Variants in TMED3 observed in about 807,000 individuals in gnomAD.
The protein encoded by TMED3 is transmembrane emp24 domain-containing protein 3.
Under a neutral mutation model 15.0 loss-of-function variants are expected in TMED3, and 9 were observed. The observed-to-expected ratio is 0.60, with a 90% CI of 0.36 to 1.04. TMED3 has a LOEUF of 1.04. Among genes scored for constraint, TMED3 ranks in the 50% least tolerant of loss-of-function variants. The probability of loss-of-function intolerance (pLI) is 0.01; values close to 1 mark genes in which losing one functional copy is unlikely to be tolerated. For missense variants in TMED3, 267 were observed against 278.9 expected, an observed-to-expected ratio of 0.96 and a Z score of 0.30; for synonymous variants, 117 against 121.4, an observed-to-expected ratio of 0.96 and a Z score of 0.24.
At chr15:79,392,598 A>G (rs1325459044) in intron 2 of TMED3, among the ~76,000 whole-genome samples, 3 of 152,190 alleles carry the variant, frequency 2.0e-5, no homozygotes, top group African/African-American at 7.2e-5. Context: ...TTTTGAATAC[A>G]GTAGGCTAGT....
intron 2 of TMED3, among the ~76,000 whole-genome samples, chr15:79,365,296 C>G (rs889406462): frequency 3.3e-5 from 5 of 152,216 alleles, no homozygotes; most frequent in Non-Finnish European, 7.3e-5. Flanking sequence ...GAAGCTTTGT[C>G]TAAAGACTTG....
chr15:79,360,816 A>G (rs1893113504), intron 2 of TMED3, among the ~76,000 whole-genome samples: 1 of 152,210 alleles, frequency 6.6e-6, no homozygotes, highest in Non-Finnish European at 1.5e-5. Flanking sequence ...AATCACTTAA[A>G]ACGAATACAT....
intron 2 of TMED3, among the ~76,000 whole-genome samples, chr15:79,377,324 G>A (rs1285596075): frequency 1.3e-5 from 2 of 151,534 alleles, no homozygotes; most frequent in Admixed American, 6.6e-5. Context: ...GAGAATGTGG[G>A]GAGGGATTTT....
chr15:79,376,092 G>GTTTTTTTTTTTTTTTTTT, intron 2 of TMED3, among the ~76,000 whole-genome samples: 1 of 112,082 alleles, frequency 8.9e-6, no homozygotes, highest in African/African-American at 3.6e-5. Context: ...CTAGAGAAAG[G>GTTTTTTTTTTTTTTTTTT]TTTTTTTTTT....
intron 2 of TMED3, among the ~76,000 whole-genome samples, chr15:79,378,493 G>C (rs1385292363): frequency 1.3e-5 from 2 of 152,312 alleles, no homozygotes; most frequent in Admixed American, 6.5e-5. Context: ...GAAGGAAGAG[G>C]ATTGTATAGG....
intron 2 of TMED3, among the ~76,000 whole-genome samples, chr15:79,318,565 C>G (rs548752015): frequency 6.6e-6 from 1 of 152,260 alleles, no homozygotes; most frequent in Non-Finnish European, 1.5e-5. Context: ...TTTGTGTTAC[C>G]AAGTCTGCCT....
intron 2 of TMED3, among the ~76,000 whole-genome samples, chr15:79,328,324 G>C (rs1167033512): frequency 6.7e-6 from 1 of 149,386 alleles, no homozygotes; most frequent in East Asian, 1.9e-4. Context: ...TATTTGAGTT[G>C]CATTTTTAAT....
At chr15:79,345,448 C>T (rs938897690) in intron 2 of TMED3, among the ~76,000 whole-genome samples, 7 of 152,186 alleles carry the variant, frequency 4.6e-5, no homozygotes, top group Non-Finnish European at 1.5e-5. Flanking sequence ...TGACCTCCAG[C>T]TCCATCCGTG....
chr15:79,352,861 AATATACATATATAAAATATACATATAAT>A (rs1394204170), intron 2 of TMED3, among the ~76,000 whole-genome samples: 1 of 113,548 alleles, frequency 8.8e-6, no homozygotes, highest in East Asian at 2.6e-4. Flanking sequence ...ATACATATAA[AATATACATATATAAAATATACATATAAT>A]ATATATAAAA....
intron 2 of TMED3, among the ~76,000 whole-genome samples, chr15:79,386,704 A>ATTTTTTTTTT (rs35828266): frequency 1.6e-5 from 2 of 125,182 alleles, no homozygotes; most frequent in African/African-American, 3.0e-5. Context: ...ATGCCTGGCT[A>ATTTTTTTTTT]TTTTTTTTTT....
chr15:79,413,158 A>G (rs1457572823), exon 3 of TMED3: 1 of 152,228 alleles, frequency 6.6e-6, no homozygotes, highest in African/African-American at 2.4e-5. Flanking sequence ...ACAAAAAACT[A>G]GAGTACCTTC....
chr15:79,342,511 C>A (rs956429860), intron 2 of TMED3, among the ~76,000 whole-genome samples: 1 of 152,140 alleles, frequency 6.6e-6, no homozygotes, highest in Non-Finnish European at 1.5e-5. Context: ...AGAGGAAAAT[C>A]TTTGAAAATA....
intron 2 of TMED3, among the ~76,000 whole-genome samples, chr15:79,354,630 A>G (rs1388991457): frequency 6.6e-6 from 1 of 152,154 alleles, no homozygotes; most frequent in Non-Finnish European, 1.5e-5. Context: ...AGGCAAAAAA[A>G]AAAAAAAAGA....
chr15:79,374,549 T>A (rs1010670562), intron 2 of TMED3, among the ~76,000 whole-genome samples: 1 of 152,192 alleles, frequency 6.6e-6, no homozygotes, highest in African/African-American at 2.4e-5. Flanking sequence ...GGAAATTGCT[T>A]AAACTTTAGG....
intron 2 of TMED3, among the ~76,000 whole-genome samples, chr15:79,401,611 A>C (rs1407368522): frequency 6.6e-6 from 1 of 152,112 alleles, no homozygotes; most frequent in Non-Finnish European, 1.5e-5. Flanking sequence ...CCAAATGTCA[A>C]TAGTGCCAAG....
At chr15:79,322,849 T>G, downstream of TMED3, 1 of 985,552 alleles carries the variant, frequency 1.0e-6, no homozygotes, top group Non-Finnish European at 1.2e-6. Context: ...TCCTGGAGAC[T>G]TGTGCCTTTA....
At chr15:79,340,424 A>G (rs1350981504) in intron 2 of TMED3, among the ~76,000 whole-genome samples, 1 of 152,188 alleles carries the variant, frequency 6.6e-6, no homozygotes, top group Admixed American at 6.5e-5. Context: ...GCCAGCATCT[A>G]TCTGGACTGC....
chr15:79,384,674 G>T (rs942705772), intron 2 of TMED3: 1 of 152,194 alleles, frequency 6.6e-6, no homozygotes, highest in African/African-American at 2.4e-5. Flanking sequence ...AGATAATTGG[G>T]TAGCCATATA....
rs10676974 is a variant in TMED3, at chr15:79,363,503, CAA to C, written c.418-47879_418-47878del. Among the ~76,000 whole-genome samples the C allele has an allele frequency of 3.0e-3, 378 of 125,306 alleles. 1 individual carries two copies. The highest frequency in any genetic ancestry group is 6.0e-3 in the African/African-American group (201 of 33,568). 82.2% of individuals were successfully genotyped at this position (125,306 alleles called of 152,430 possible). ...CAAGTGACAAAGAACTACAATGACT[CAA>C]AAAAAAAAAAAAAAAAATCTCCAAG... On this transcript the variant is annotated intron_variant, in intron 2 of 2. Transcript: ENST00000424155.
Sources: gnomAD v4.1 joint callset for allele counts (sites outside exome capture counted in the v4.1 genomes callset) on GRCh38, gnomAD v4.1.1 for gene constraint, MANE v1.5 for transcripts, NCBI Gene and HGNC (gene_info 2026-07-23, HGNC 2026-07-21) for gene names.